TNS2: variants seen among roughly 807,000 people sequenced by gnomAD.
The protein encoded by TNS2 is tensin 2.
A neutral mutation model predicts 155.7 loss-of-function variants in TNS2; 77 were observed. The observed-to-expected ratio is 0.49, with a 90% CI of 0.41 to 0.60. The LOEUF (loss-of-function observed/expected upper bound fraction) is 0.60, where lower values mean the gene tolerates loss of function less well. TNS2 is among the 20% of genes least tolerant of loss of function. The probability of loss-of-function intolerance (pLI) is 0.00; values close to 1 mark genes in which losing one functional copy is unlikely to be tolerated. For missense variants in TNS2, 1,703 were observed against 1,868.8 expected (o/e 0.91, Z 1.64); for synonymous variants, 726 against 763.9 (o/e 0.95, Z 0.82).
chr12:53,063,503 G>A lies in TNS2; in HGVS notation c.4062-60G>A, dbSNP rs374699636. The A allele has an allele frequency of 8.7e-5, 53 of 608,852 alleles. No individual in the cohort carries two copies. Among genetic ancestry groups the A allele is most frequent in the African/African-American group, 1.6e-4 (6 of 36,890 alleles). The allele number at this position is 608,852 out of a possible 1,614,324, so 37.7% of individuals were successfully genotyped here. A position where few individuals can be genotyped will look rare whatever the true frequency, so the allele number is the denominator to read the frequency against. On this transcript the variant is annotated intron_variant, in intron 27 of 28. Transcript: ENST00000314250. The surrounding 1 kb of genome is among the most constrained non-coding windows in gnomAD (Gnocchi z 5.6). Reference sequence around the variant, plus strand: ...CAGCCCCAGCCCCAGCCCCGGCCCCGGCCCCCCTTCAGCAGCTGTCCCCTG... The same window carrying A: ...CAGCCCCAGCCCCAGCCCCGGCCCCAGCCCCCCTTCAGCAGCTGTCCCCTG...
chr12:53,047,462 G>A (rs1943764547), upstream of TNS2, among the ~76,000 whole-genome samples: 3 of 141,870 alleles, frequency 2.1e-5, no homozygotes, highest in South Asian at 6.4e-4. Context: ...GGGGCGCGGG[G>A]CCGCCGGAGG....
chr12:53,063,585 A>G lies in TNS2; in HGVS notation c.4084A>G (p.Thr1362Ala), dbSNP rs1944453546. Residue 1362 changes from threonine to alanine, a missense_variant, in exon 28 of 29, where the codon ACC (threonine) becomes GCC (alanine). Coordinates refer to ENST00000314250, the MANE Select transcript of TNS2 (RefSeq NM_170754.4). This position sits in a 1 kb window ranked among gnomAD's most constrained non-coding sequence, Gnocchi z 5.6. ...DRRWTNPDGT[T>A]SKIFGFVAKK... is the part of the protein sequence containing the mutation. Reference sequence around the variant, plus strand: ...CAGATGGACCAACCCAGACGGGACCACCTCCAAGTAAGCCTCCCCACGAAT... The same window carrying G: ...CAGATGGACCAACCCAGACGGGACCGCCTCCAAGTAAGCCTCCCCACGAAT... 6.2e-7 allele frequency: 1 copy of G among 1,611,144 alleles called. No homozygotes were observed. Among genetic ancestry groups the G allele is most frequent in the South Asian group, 1.1e-5 (1 of 90,868 alleles).
chr12:53,062,475 C>T, intron 24 of TNS2, 22 bp downstream of exon 24: 1 of 1,612,730 alleles, frequency 6.2e-7, no homozygotes, highest in Non-Finnish European at 8.5e-7. Flanking sequence ...GTCATCTGTC[C>T]TCCCCACCTC....
At chr12:53,061,787 C>T (rs112028356) in intron 21 of TNS2, 28 bp from the exon 22 acceptor site, 1 of 1,599,306 alleles carries the variant, frequency 6.3e-7, no homozygotes, top group African/African-American at 1.3e-5. Context: ...AAACTCCTCC[C>T]CACTGCCCGC....
At chr12:53,054,219 C>G in intron 6 of TNS2, 51 bp from the exon 7 acceptor site, 1 of 1,608,724 alleles carries the variant, frequency 6.2e-7, no homozygotes, top group East Asian at 2.2e-5. Flanking sequence ...TCACACTAGC[C>G]ACCTCCGGGT....
rs774638982 is a variant in TNS2 at position 53,059,026 on chromosome 12, C to T, written c.1406-21C>T. 41 of 1,539,256 alleles carry T rather than the reference C, an allele frequency of 2.7e-5. No homozygotes were observed. Among genetic ancestry groups the T allele is most frequent in the Non-Finnish European group, 3.5e-5 (40 of 1,142,748 alleles). On this transcript the variant is annotated intron_variant, in intron 17 of 28. Coordinates refer to ENST00000314250, the MANE Select transcript of TNS2 (RefSeq NM_170754.4). This position sits in a 1 kb window ranked among gnomAD's most constrained non-coding sequence, Gnocchi z 4.7. ...CCTGTTCCCCGCTTGCCCTCCCTCC[C>T]TGATCCTCTTCCCCACTCAGGCTCC...
In TNS2 at chr12:53,059,007, C is replaced by T. The variant is rs1404818081; in HGVS notation, c.1406-40C>T. 12 of 1,537,386 alleles carry T rather than the reference C, an allele frequency of 7.8e-6. No individual in the cohort carries two copies. Among genetic ancestry groups the T allele is most frequent in the African/African-American group, 1.4e-5 (1 of 72,944 alleles). On this transcript the variant is annotated intron_variant, in intron 17 of 28. Transcript: ENST00000314250. The surrounding 1 kb of genome is among the most constrained non-coding windows in gnomAD (Gnocchi z 4.7). ...TGAATTTTCTCTCTCCCTCCCTGTT[C>T]CCCGCTTGCCCTCCCTCCCTGATCC...
At chr12:53,047,536 G>C (rs915716958), upstream of TNS2, among the ~76,000 whole-genome samples, 38 of 150,350 alleles carry the variant, frequency 2.5e-4, no homozygotes, top group African/African-American at 9.0e-4. Flanking sequence ...GCTGGCCGCG[G>C]AGAGCTGGGA....
At chr12:53,055,480 G>T in intron 8 of TNS2, 88 bp from the exon 9 acceptor site, 1 of 1,490,688 alleles carries the variant, frequency 6.7e-7, no homozygotes, top group Non-Finnish European at 9.0e-7. Context: ...CTTGCCCCCG[G>T]ACCCCTATGC....
chr12:53,053,162 A>C, intron 3 of TNS2: 3 of 515,318 alleles, frequency 5.8e-6, no homozygotes, highest in East Asian at 3.5e-5. Context: ...CTCCTGCCCT[A>C]CAGCTGGATG....
upstream of TNS2, among the ~76,000 whole-genome samples, chr12:53,047,230 C>G (rs1331839891): frequency 7.0e-6 from 1 of 142,658 alleles, no homozygotes; most frequent in Non-Finnish European, 1.6e-5. Flanking sequence ...CCCAGCCGAG[C>G]CCGGCCGCCC....
intron 10 of TNS2, among the ~76,000 whole-genome samples, chr12:53,056,600 G>C (rs968097567): frequency 6.6e-6 from 1 of 152,148 alleles, no homozygotes; most frequent in African/African-American, 2.4e-5. Flanking sequence ...CTCCCTGTGT[G>C]TCTCTGTCTG....
At chr12:53,057,249 A>G (rs1944193144) in intron 11 of TNS2, among the ~76,000 whole-genome samples, 153 bp downstream of exon 11, 1 of 152,208 alleles carries the variant, frequency 6.6e-6, no homozygotes, top group South Asian at 2.1e-4. Context: ...CCCTGCTCTC[A>G]TGGAGCTTTC....
At chr12:53,053,882 CAA>C in intron 5 of TNS2, 70 bp downstream of exon 5, 1 of 1,613,882 alleles carries the variant, frequency 6.2e-7, no homozygotes, top group East Asian at 2.2e-5. Flanking sequence ...TTCCTGAAGA[CAA>C]AAAGGGCATG....
Position 53,055,115 on chromosome 12 carries a change from A to G in TNS2, c.523-71A>G, listed in dbSNP as rs375210181. On this transcript the variant is annotated intron_variant, in intron 7 of 28. Coordinates refer to ENST00000314250, the MANE Select transcript of TNS2 (RefSeq NM_170754.4). ...TTATTTTAGAGGAAGATTCTTACTT[A>G]GGATCCACCTCCACCTCGTGCCTCA... The G allele has an allele frequency of 3.9e-5, 59 of 1,531,976 alleles. No individual in the cohort carries two copies. The African/African-American group carries it at 7.4e-4, about 19-fold the overall frequency. 94.9% of individuals were successfully genotyped at this position (1,531,976 alleles called of 1,614,324 possible).
Position 53,055,590 on chromosome 12 carries a change from A to T in TNS2, c.596A>T (p.Glu199Val). 6.2e-7 allele frequency: 1 copy of T among 1,610,452 alleles called. No homozygotes were observed. The highest frequency in any genetic ancestry group is 1.3e-5 in the African/African-American group (1 of 74,936). The change falls in exon 9 of 29, where the codon GAG (glutamate) becomes GTG (valine). Residue 199 changes from glutamate (E) to valine (V), a missense_variant. Physicochemically the swap from Glu to Val is moderately radical, Grantham distance 121. Coordinates refer to ENST00000314250, the MANE Select transcript of TNS2 (RefSeq NM_170754.4). ...NPKVQDFGWP[E>V]LHAPPLDKLC... ...CAGGTTCAAGACTTCGGCTGGCCTG[A>T]GCTGCATGCTCCACCCCTGGACAAG... is the stretch of plus-strand genomic sequence containing the variant.
At chr12:53,052,846 G>A (rs1384966732) in intron 3 of TNS2, among the ~76,000 whole-genome samples, 1 of 152,060 alleles carries the variant, frequency 6.6e-6, no homozygotes, top group African/African-American at 2.4e-5. Flanking sequence ...CTGGGCAGCC[G>A]GATGGGCTGT....
Position 53,059,134 on chromosome 12 carries a change from C to G in TNS2, c.1493C>G (p.Ser498Cys). ...RPPRQTPPAP[S>C]PEPPPPPMLS... ...CCCCGGCAGACCCCCCCGGCACCCTCTCCAGAGCCTCCACCACCCCCCATG... is the reference window on the plus strand; with the variant it reads ...CCCCGGCAGACCCCCCCGGCACCCTGTCCAGAGCCTCCACCACCCCCCATG... The change falls in exon 18 of 29, where the codon TCT becomes TGT. Residue 498 changes from serine (S) to cysteine (C), a missense_variant. Physicochemically the swap from Ser to Cys is moderately radical, Grantham distance 112. Coordinates refer to ENST00000314250, the MANE Select transcript of TNS2 (RefSeq NM_170754.4). The surrounding 1 kb of genome is among the most constrained non-coding windows in gnomAD (Gnocchi z 4.7). The G allele has an allele frequency of 6.3e-7, 1 of 1,590,476 alleles. No homozygotes were observed. Among genetic ancestry groups the G allele is most frequent in the Non-Finnish European group, 8.5e-7 (1 of 1,171,790 alleles).
chr12:53,049,966 C>T (rs954628775), upstream of TNS2: 6 of 1,228,134 alleles, frequency 4.9e-6, no homozygotes, highest in African/African-American at 6.1e-5. Context: ...CCTGGCCTCC[C>T]CCACATCCTC....
Sources: gnomAD v4.1 joint callset for allele counts (sites outside exome capture counted in the v4.1 genomes callset) on GRCh38, gnomAD v4.1.1 for gene constraint, Gnocchi (gnomAD v3.1) non-coding constraint, MANE v1.5 for transcripts, NCBI Gene and HGNC (gene_info 2026-07-23, HGNC 2026-07-21) for gene names.